ARL6IP1: variants seen among roughly 807,000 people sequenced by gnomAD.
ARL6IP1 encodes ARL6 interacting reticulophagy regulator 1, also known as ADP-ribosylation factor-like protein 6-interacting protein 1.
A neutral mutation model predicts 30.1 loss-of-function variants in ARL6IP1; 16 were observed. The ratio of observed to expected loss-of-function variants is 0.53; its 90% confidence interval spans 0.36 to 0.81. The LOEUF (loss-of-function observed/expected upper bound fraction) is 0.81. Among genes scored for constraint, ARL6IP1 ranks in the 30% least tolerant of loss-of-function variants. The pLI is 0.01. For missense variants in ARL6IP1, 173 were observed against 242.7 expected (o/e 0.71, Z 1.91); for synonymous variants, 72 against 84.8 (o/e 0.85, Z 0.83).
At chr16:18,800,840 A>AC (rs1292048800) in intron 1 of ARL6IP1, among the ~76,000 whole-genome samples, 1 of 151,912 alleles carries the variant, frequency 6.6e-6, no homozygotes, top group Non-Finnish European at 1.5e-5. Context: ...TAGTCCTGTG[A>AC]CCCCACCCCC....
intron 2 of ARL6IP1, chr16:18,798,315 A>G: frequency 2.9e-6 from 1 of 339,118 alleles, no homozygotes; most frequent in Admixed American, 4.6e-5. Flanking sequence ...GGGGAGGGAT[A>G]GCATTAGGAG....
intron 4 of ARL6IP1, chr16:18,795,089 A>C (rs1338756678): frequency 4.9e-6 from 1 of 206,008 alleles, no homozygotes; most frequent in Non-Finnish European, 9.7e-6. Flanking sequence ...CAAACAGCTC[A>C]CTGCGCAAAC....
At chr16:18,794,324 A>G (rs2030164486) in intron 5 of ARL6IP1, among the ~76,000 whole-genome samples, 1 of 152,166 alleles carries the variant, frequency 6.6e-6, no homozygotes, top group Non-Finnish European at 1.5e-5. Flanking sequence ...CATGAAATCA[A>G]TTACTTCCAC....
intron 3 of ARL6IP1, 50 bp downstream of exon 3, chr16:18,797,875 A>G: frequency 6.3e-7 from 1 of 1,591,148 alleles, no homozygotes. Context: ...ACAGCCACCA[A>G]GTTCAGTAAC....
Position 18,797,952 on chromosome 16 carries a change from G to A in ARL6IP1, c.263C>T (p.Ala88Val), listed in dbSNP as rs374401441. 1.1e-5 allele frequency: 17 copies of A among 1,613,024 alleles called. No homozygotes were observed. Among genetic ancestry groups the A allele is most frequent in the Admixed American group, 5.0e-5 (3 of 59,736 alleles). ...CLADYLVPIL[A>V]PRIFGSNKWT... is the part of the protein sequence containing the mutation. ...TTTATTGGAGCCAAAAATTCTAGGC[G>A]CTAGAATGGGAACAAGGTAGTCAGC... Residue 88 changes from alanine to valine, a missense_variant, in exon 3 of 6, where the codon GCG becomes GTG. Ala to Val is a moderately conservative substitution (Grantham distance 64). Coordinates refer to ENST00000304414, the MANE Select transcript of ARL6IP1 (RefSeq NM_015161.3).
chr16:18,793,887 G>A (rs1049206053), intron 5 of ARL6IP1, among the ~76,000 whole-genome samples: 1 of 151,464 alleles, frequency 6.6e-6, no homozygotes, highest in African/African-American at 2.4e-5. Flanking sequence ...GCTAATTTTT[G>A]TATTTTTAGT....
intron 3 of ARL6IP1, chr16:18,797,724 C>T: frequency 1.9e-6 from 1 of 521,764 alleles, no homozygotes. Flanking sequence ...GTGCATTTAC[C>T]ATAAAAGAAC....
At chr16:18,795,811 G>GTA (rs1373913027) in intron 3 of ARL6IP1, among the ~76,000 whole-genome samples, 1 of 152,148 alleles carries the variant, frequency 6.6e-6, no homozygotes, top group Non-Finnish European at 1.5e-5. Context: ...GTGTGTGTGT[G>GTA]CGTGTGATAA....
intron 4 of ARL6IP1, chr16:18,795,189 C>A (rs2030193896): frequency 1.0e-5 from 3 of 293,374 alleles, no homozygotes; most frequent in Middle Eastern, 2.4e-3. Flanking sequence ...CTGTGCCCGG[C>A]CTAAACAGAT....
At position 18,798,686 on chromosome 16, in the gene ARL6IP1, T is replaced by A. The variant is rs748667940; in HGVS notation, c.170+15A>T. 6.2e-7 allele frequency: 1 copy of A among 1,613,142 alleles called. No individual in the cohort carries two copies. Among genetic ancestry groups the A allele is most frequent in the Middle Eastern group, 1.7e-4 (1 of 6,052 alleles). ...ATAAGAAGCACAACCCATAGTAATCTAATAGCTCACTTACAGAAACACCAA... is the reference window on the plus strand; with the variant it reads ...ATAAGAAGCACAACCCATAGTAATCAAATAGCTCACTTACAGAAACACCAA... On this transcript the variant is annotated intron_variant, in intron 2 of 5. Coordinates refer to ENST00000304414, the MANE Select transcript of ARL6IP1 (RefSeq NM_015161.3).
intron 4 of ARL6IP1, 38 bp from the exon 5 acceptor site, chr16:18,794,721 T>C (rs575586652): frequency 7.9e-6 from 11 of 1,399,986 alleles, no homozygotes; most frequent in South Asian, 4.8e-5. Context: ...CAAAACTTCA[T>C]GTGACACCAT....
chr16:18,800,205 C>T (rs983668391), intron 1 of ARL6IP1, among the ~76,000 whole-genome samples: 14 of 152,292 alleles, frequency 9.2e-5, no homozygotes, highest in African/African-American at 3.4e-4. Flanking sequence ...CTCTGCTGAG[C>T]ATTCATATTT....
At chr16:18,800,931 G>A (rs544674183) in intron 1 of ARL6IP1, among the ~76,000 whole-genome samples, 2 of 152,228 alleles carry the variant, frequency 1.3e-5, no homozygotes, top group African/African-American at 2.4e-5. Context: ...TCCCCACGGT[G>A]AGCTCGCAGC....
In ARL6IP1 at chr16:18,793,046, A is replaced by G. The variant is rs1467700357; in HGVS notation, c.*206T>C. 2.4e-6 allele frequency: 1 copy of G among 410,792 alleles called. No individual in the cohort carries two copies. Among genetic ancestry groups the G allele is most frequent in the South Asian group, 4.8e-5 (1 of 20,756 alleles). 25.4% of individuals were successfully genotyped at this position (410,792 alleles called of 1,614,324 possible). Reference sequence around the variant, plus strand: ...CACTAATGAGTTGTCCATGAAGCCAACTGCTAAGAACGCGCTCAACTATAC... The same window carrying G: ...CACTAATGAGTTGTCCATGAAGCCAGCTGCTAAGAACGCGCTCAACTATAC... On this transcript the variant is annotated 3_prime_UTR_variant, in exon 6 of 6. Coordinates refer to ENST00000304414, the MANE Select transcript of ARL6IP1 (RefSeq NM_015161.3).
In ARL6IP1 at chr16:18,792,412, T is replaced by C. The variant is rs532931007; in HGVS notation, c.*840A>G. The C allele has an allele frequency of 2.6e-5, 4 of 152,346 alleles. No individual in the cohort carries two copies. The highest frequency in any genetic ancestry group is 9.6e-5 in the African/African-American group (4 of 41,564). The allele number at this position is 152,346 out of a possible 1,614,324, so 9.4% of individuals were successfully genotyped here. ...TAAACATAGAAGACTGCTGTCCTTT[T>C]GCCAGTCTTAGAGTGAAAGTCATAG... On this transcript the variant is annotated 3_prime_UTR_variant, in exon 6 of 6. Transcript: ENST00000304414.
Position 18,792,495 on chromosome 16 carries a change from A to G in ARL6IP1, c.*757T>C, listed in dbSNP as rs980006170. On this transcript the variant is annotated 3_prime_UTR_variant, in exon 6 of 6. Transcript: ENST00000304414. The stretch of plus-strand genomic sequence containing the variant: ...AATGTCAGCTGAAAATCTGAAATTA[A>G]AAGCATGCTAGAAATCCTAAATGCA... 1.8e-4 allele frequency: 28 copies of G among 152,238 alleles called. No individual in the cohort carries two copies. The highest frequency in any genetic ancestry group is 6.5e-4 in the African/African-American group (27 of 41,450). The allele number at this position is 152,238 out of a possible 1,614,324, so 9.4% of individuals were successfully genotyped here.
Position 18,798,707 on chromosome 16 carries a change from A to G in ARL6IP1, c.164T>C (p.Val55Ala). ...PPAIMGVVSL[V>A]FLIIYYLDPS... is the part of the protein sequence containing the mutation. ...AATCTAATAGCTCACTTACAGAAACACCAAAGAAACCACACCCATGATGGC... is the reference window on the plus strand; with the variant it reads ...AATCTAATAGCTCACTTACAGAAACGCCAAAGAAACCACACCCATGATGGC... Residue 55 changes from valine to alanine, a missense_variant, in exon 2 of 6, where the codon GTG (valine) becomes GCG (alanine). Coordinates refer to ENST00000304414, the MANE Select transcript of ARL6IP1 (RefSeq NM_015161.3). 1 of 1,614,086 alleles carries G rather than the reference A, an allele frequency of 6.2e-7. No homozygotes were observed. Among genetic ancestry groups the G allele is most frequent in the Non-Finnish European group, 8.5e-7 (1 of 1,179,984 alleles).
At position 18,798,694 on chromosome 16, in the gene ARL6IP1, C is replaced by T; in HGVS notation, c.170+7G>A. ...CACAACCCATAGTAATCTAATAGCT[C>T]ACTTACAGAAACACCAAAGAAACCA... On this transcript the variant is annotated splice_region_variant and intron_variant, in intron 2 of 5. Transcript: ENST00000304414. 6.2e-7 allele frequency: 1 copy of T among 1,613,274 alleles called. No homozygotes were observed. Among genetic ancestry groups the T allele is most frequent in the East Asian group, 2.2e-5 (1 of 44,864 alleles).
intron 3 of ARL6IP1, chr16:18,797,612 G>A (rs1004924897): frequency 1.0e-4 from 19 of 190,612 alleles, no homozygotes; most frequent in Non-Finnish European, 1.8e-4. Flanking sequence ...CTAAATGAAT[G>A]TGAATGAAAA....
Sources: allele counts gnomAD v4.1 joint callset (sites outside exome capture counted in the v4.1 genomes callset), GRCh38; gene constraint gnomAD v4.1.1; transcripts MANE v1.5; gene names NCBI Gene and HGNC (gene_info 2026-07-23, HGNC 2026-07-21).